LYPD6B: variants seen among roughly 807,000 people sequenced by gnomAD.
LYPD6B encodes the protein ly6/PLAUR domain-containing protein 6B.
LYPD6B carries 17 observed loss-of-function variants against 22.8 expected under a neutral mutation model. That is an observed-to-expected ratio of 0.75 (90% CI 0.51 to 1.12). LYPD6B has a LOEUF of 1.12. Ranked by LOEUF, LYPD6B falls within the 50% of genes most tolerant of loss-of-function variation. LYPD6B has a pLI of 0.00. For synonymous variants in LYPD6B, 106 were observed against 91.6 expected (o/e 1.16, Z -0.90); for missense variants, 221 against 258.3 (o/e 0.86, Z 0.99).
intron 1 of LYPD6B, among the ~76,000 whole-genome samples, chr2:149,095,027 C>T (rs1174198594): frequency 6.6e-6 from 1 of 152,118 alleles, no homozygotes; most frequent in African/African-American, 2.4e-5. Flanking sequence ...AGTGGTGGCT[C>T]ACGCCTGTAA....
chr2:149,194,620 A>C (rs1360992114), intron 3 of LYPD6B, among the ~76,000 whole-genome samples: 1 of 152,196 alleles, frequency 6.6e-6, no homozygotes, highest in Non-Finnish European at 1.5e-5. Flanking sequence ...GAGCTGTGGG[A>C]CATGATGATA....
At chr2:149,100,679 A>T (rs1419700298) in intron 1 of LYPD6B, among the ~76,000 whole-genome samples, 1 of 152,138 alleles carries the variant, frequency 6.6e-6, no homozygotes, top group South Asian at 2.1e-4. Flanking sequence ...TTCAACTCCC[A>T]CTGGTCTTTA....
Position 149,214,923 on chromosome 2 carries a change from T to A in LYPD6B, c.*213T>A. 1 of 571,852 alleles carries A rather than the reference T, an allele frequency of 1.7e-6. No individual in the cohort carries two copies. 35.4% of individuals were successfully genotyped at this position (571,852 alleles called of 1,614,324 possible). On this transcript the variant is annotated 3_prime_UTR_variant, in exon 7 of 7. Coordinates refer to ENST00000409642, the MANE Select transcript of LYPD6B (RefSeq NM_177964.5). ...AATTTGGCAGGGCCTGAGAAGATGG[T>A]CTGACTTCCAGGCTTCCTGGTCAAA...
chr2:149,163,595 C>T (rs1690227991), intron 3 of LYPD6B, among the ~76,000 whole-genome samples: 1 of 152,172 alleles, frequency 6.6e-6, no homozygotes. Flanking sequence ...CTTAAGCCTC[C>T]AGATCCTCTC....
intron 2 of LYPD6B, among the ~76,000 whole-genome samples, chr2:149,135,249 TAA>T (rs36032140): frequency 5.8e-5 from 8 of 136,800 alleles, no homozygotes; most frequent in Non-Finnish European, 6.3e-5. Flanking sequence ...TGTCTCAAAT[TAA>T]AAAAAAAAAA....
At chr2:149,060,926 T>G (rs1159325517) in intron 1 of LYPD6B, among the ~76,000 whole-genome samples, 2 of 152,194 alleles carry the variant, frequency 1.3e-5, no homozygotes, top group Admixed American at 1.3e-4. Flanking sequence ...TTGGGCATGC[T>G]TGGTACCCCA....
chr2:149,209,524 A>G (rs1204176152), intron 5 of LYPD6B, among the ~76,000 whole-genome samples: 1 of 152,180 alleles, frequency 6.6e-6, no homozygotes, highest in Non-Finnish European at 1.5e-5. Context: ...CAAGAAAAAA[A>G]AACTCTTACA....
chr2:149,166,380 A>G (rs1445231573), intron 3 of LYPD6B, among the ~76,000 whole-genome samples: 1 of 152,214 alleles, frequency 6.6e-6, no homozygotes, highest in Non-Finnish European at 1.5e-5. Context: ...CATAGTACCA[A>G]TATGAGTTAC....
chr2:149,089,641 G>A (rs1685555623), intron 1 of LYPD6B, among the ~76,000 whole-genome samples: 1 of 152,108 alleles, frequency 6.6e-6, no homozygotes, highest in African/African-American at 2.4e-5. Flanking sequence ...GAAAATTTAA[G>A]GAAAGCATTC....
chr2:149,140,651 T>C (rs1021586619), intron 2 of LYPD6B, among the ~76,000 whole-genome samples: 1 of 152,198 alleles, frequency 6.6e-6, no homozygotes, highest in African/African-American at 2.4e-5. Context: ...GCCAGTACTT[T>C]TGTAGCATTG....
At chr2:149,206,965 A>G (rs1693544273) in intron 4 of LYPD6B, among the ~76,000 whole-genome samples, 1 of 152,168 alleles carries the variant, frequency 6.6e-6, no homozygotes, top group Non-Finnish European at 1.5e-5. Flanking sequence ...TAAATGTTAA[A>G]TAATTCTTCA....
intron 3 of LYPD6B, among the ~76,000 whole-genome samples, chr2:149,191,385 A>G (rs1461855567): frequency 6.6e-6 from 1 of 152,146 alleles, no homozygotes; most frequent in Non-Finnish European, 1.5e-5. Flanking sequence ...AGTATGAGGT[A>G]TGTATCCAAC....
chr2:149,196,070 C>T (rs533041248), intron 3 of LYPD6B, among the ~76,000 whole-genome samples: 1 of 152,240 alleles, frequency 6.6e-6, no homozygotes, highest in East Asian at 1.9e-4. Flanking sequence ...TTTCATTTTG[C>T]AATTAAAACA....
chr2:149,208,709 C>A (rs1327455842), intron 5 of LYPD6B, among the ~76,000 whole-genome samples: 2 of 152,202 alleles, frequency 1.3e-5, no homozygotes, highest in African/African-American at 4.8e-5. Context: ...ACCATCTCAA[C>A]AAAGGATGAT....
chr2:149,117,270 TC>T (rs1687053860), intron 1 of LYPD6B, among the ~76,000 whole-genome samples: 1 of 144,536 alleles, frequency 6.9e-6, no homozygotes, highest in Non-Finnish European at 1.5e-5. Context: ...ATGTCATTCA[TC>T]TTTTTTTTTT....
At chr2:149,092,100 A>G (rs1685679371) in intron 1 of LYPD6B, among the ~76,000 whole-genome samples, 3 of 152,070 alleles carry the variant, frequency 2.0e-5, no homozygotes, top group Admixed American at 2.0e-4. Context: ...TGTAGCTATC[A>G]GAGGAGTAGA....
chr2:149,173,184 T>C (rs1007008570), intron 3 of LYPD6B, among the ~76,000 whole-genome samples: 2 of 151,784 alleles, frequency 1.3e-5, no homozygotes, highest in East Asian at 3.9e-4. Flanking sequence ...CTGTGTTTTT[T>C]TTTTTAAAAA....
intron 3 of LYPD6B, among the ~76,000 whole-genome samples, chr2:149,201,487 A>G (rs1693150976): frequency 6.6e-6 from 1 of 152,242 alleles, no homozygotes; most frequent in Non-Finnish European, 1.5e-5. Flanking sequence ...TCTCTGTGAA[A>G]TGATTCTAAT....
At chr2:149,162,368 C>A (rs1690129149) in intron 3 of LYPD6B, among the ~76,000 whole-genome samples, 1 of 152,104 alleles carries the variant, frequency 6.6e-6, no homozygotes, top group Non-Finnish European at 1.5e-5. Flanking sequence ...TGAGGCTTAC[C>A]TAAGAGATTA....
Sources: gnomAD v4.1 joint callset for allele counts (sites outside exome capture counted in the v4.1 genomes callset) on GRCh38, gnomAD v4.1.1 for gene constraint, MANE v1.5 for transcripts, NCBI Gene and HGNC (gene_info 2026-07-23, HGNC 2026-07-21) for gene names.